Variants in MGAT5B observed in about 807,000 individuals in gnomAD.
MGAT5B encodes the protein N-acetylglucosaminyl-transferase Vb.
MGAT5B carries 54 observed loss-of-function variants against 95.1 expected under a neutral mutation model. The ratio of observed to expected loss-of-function variants is 0.57; its 90% CI spans 0.46 to 0.71. The LOEUF is 0.71. Ranked by LOEUF, MGAT5B falls within the 30% of genes least tolerant of loss-of-function variation. The pLI, the probability that MGAT5B is intolerant of heterozygous loss-of-function variation, is 0.00. For missense variants in MGAT5B, 935 were observed against 1,088.6 expected (o/e 0.86, Z 1.99); for synonymous variants, 464 against 451.0 (o/e 1.03, Z -0.36).
Position 76,940,391 on chromosome 17 carries a change from T to C in MGAT5B, c.1585-11T>C. 1 of 1,591,294 alleles carries C rather than the reference T, an allele frequency of 6.3e-7. No individual in the cohort carries two copies. Among genetic ancestry groups the C allele is most frequent in the Non-Finnish European group, 8.6e-7 (1 of 1,167,766 alleles). ...AGCCCTCCCTGATCACTGCGCCCCT[T>C]GACTCTGCAGCTCTTCATCGGGTTT... On this transcript the variant is annotated splice_polypyrimidine_tract_variant and intron_variant, in intron 13 of 17. Coordinates refer to ENST00000569840, the MANE Select transcript of MGAT5B (RefSeq NM_001199172.2). This position sits in a 1 kb window ranked among gnomAD's most constrained non-coding sequence, Gnocchi z 4.3.
At chr17:76,910,792 G>T (rs1448469418) in intron 8 of MGAT5B, among the ~76,000 whole-genome samples, 2 of 152,204 alleles carry the variant, frequency 1.3e-5, no homozygotes, top group Non-Finnish European at 2.9e-5. Flanking sequence ...CCAGGGCTGT[G>T]CTCCGATGCC....
chr17:76,896,986 A>G (rs773793849), intron 3 of MGAT5B, among the ~76,000 whole-genome samples: 26 of 151,966 alleles, frequency 1.7e-4, no homozygotes, highest in Non-Finnish European at 5.9e-5. Context: ...CAGTGTGATC[A>G]TGGCTCACTG....
intron 2 of MGAT5B, among the ~76,000 whole-genome samples, chr17:76,875,640 G>A (rs1438254883): frequency 7.8e-6 from 1 of 128,760 alleles, no homozygotes; most frequent in Non-Finnish European, 1.6e-5. Context: ...GTATGCGGTT[G>A]TAGTCACTTG....
At chr17:76,873,177 G>T (rs1967068576) in intron 2 of MGAT5B, among the ~76,000 whole-genome samples, 1 of 152,240 alleles carries the variant, frequency 6.6e-6, no homozygotes, top group Non-Finnish European at 1.5e-5. Flanking sequence ...GGATTCTCAG[G>T]CCAGGCTAGG....
At chr17:76,939,031 TGTGTG>T (rs1243190274) in intron 13 of MGAT5B, among the ~76,000 whole-genome samples, 2 of 40,200 alleles carry the variant, frequency 5.0e-5, no homozygotes, top group Admixed American at 5.9e-4. Context: ...ATCTTGGGGG[TGTGTG>T]TGTGTGTGTG....
intron 15 of MGAT5B, among the ~76,000 whole-genome samples, chr17:76,945,124 A>C (rs1046555493): frequency 7.9e-5 from 12 of 151,890 alleles, no homozygotes; most frequent in African/African-American, 2.4e-4. Flanking sequence ...TGGGCCTGAG[A>C]AGGTTAATGG....
intron 2 of MGAT5B, among the ~76,000 whole-genome samples, chr17:76,876,829 C>T (rs1036246041): frequency 1.3e-5 from 2 of 152,204 alleles, no homozygotes; most frequent in Non-Finnish European, 2.9e-5. Context: ...ACTTCTTTCC[C>T]TCTTGCTGCA....
intron 13 of MGAT5B, among the ~76,000 whole-genome samples, chr17:76,939,266 G>A (rs367764495): frequency 3.6e-4 from 54 of 152,050 alleles, no homozygotes; most frequent in East Asian, 1.2e-3. Flanking sequence ...TTGGGAGGCC[G>A]AGGTGGGCGG....
intron 3 of MGAT5B, among the ~76,000 whole-genome samples, chr17:76,886,970 A>C (rs1967652987): frequency 6.6e-6 from 1 of 152,128 alleles, no homozygotes; most frequent in Admixed American, 6.5e-5. Flanking sequence ...CTTGAAGCTG[A>C]GAGGCGGAGG....
intron 2 of MGAT5B, among the ~76,000 whole-genome samples, chr17:76,875,652 A>ATT (rs1367624198): frequency 1.3e-5 from 1 of 74,646 alleles, no homozygotes; most frequent in Non-Finnish European, 2.4e-5. Context: ...AGTCACTTGC[A>ATT]CTTTTTTTTT....
At position 76,940,824 on chromosome 17, in the gene MGAT5B, C is replaced by T. The variant is rs1381104086; in HGVS notation, c.1824C>T (p.Ala608=). 3 of 1,614,046 alleles carry T rather than the reference C, an allele frequency of 1.9e-6. No homozygotes were observed. The highest frequency in any genetic ancestry group is 2.2e-5 in the East Asian group (1 of 44,886). ...ACAACTCAGAGGAGTTTGAAGCAGC[C>T]ATCAAGGCCATTATGAGAACTCAGG... ...DYNNSEEFEA[A]IKAIMRTQVD... is the part of the protein sequence containing the mutation. The change falls in exon 15 of 18, where the codon GCC becomes GCT. Residue 608 remains alanine (A), a synonymous_variant. Transcript: ENST00000569840. The surrounding 1 kb of genome is among the most constrained non-coding windows in gnomAD (Gnocchi z 4.3).
chr17:76,917,743 A>C lies in MGAT5B; in HGVS notation c.1026-7223A>C, dbSNP rs1178546262. Among the ~76,000 whole-genome samples, 1 of 152,106 alleles carries C rather than the reference A, an allele frequency of 6.6e-6. No homozygotes were observed. The highest frequency in any genetic ancestry group is 1.9e-4 in the East Asian group (1 of 5,170). ...GCAAAGGTTGGTGGAACCGGATAGA[A>C]TAGCAAGAGCCCCTGGCACACAGGA... is the stretch of plus-strand genomic sequence containing the variant. On this transcript the variant is annotated intron_variant, in intron 8 of 17. Transcript: ENST00000569840. This position sits in a 1 kb window ranked among gnomAD's most constrained non-coding sequence, Gnocchi z 6.1.
intron 16 of MGAT5B, among the ~76,000 whole-genome samples, chr17:76,947,410 C>T (rs1365878297): frequency 6.6e-6 from 1 of 152,140 alleles, no homozygotes; most frequent in Admixed American, 6.5e-5. Flanking sequence ...ATTCGCGGGG[C>T]CCTCCGGCCC....
intron 3 of MGAT5B, among the ~76,000 whole-genome samples, chr17:76,887,748 G>T (rs1441518619): frequency 2.0e-5 from 3 of 150,976 alleles, no homozygotes; most frequent in Non-Finnish European, 4.4e-5. Context: ...GTAGAGATGG[G>T]GTTTCGCCAT....
chr17:76,872,191 G>C (rs1042746891), intron 1 of MGAT5B, among the ~76,000 whole-genome samples: 1 of 152,128 alleles, frequency 6.6e-6, no homozygotes, highest in Non-Finnish European at 1.5e-5. Flanking sequence ...ATGTGTGTTG[G>C]GGGGAGCCTG....
intron 12 of MGAT5B, among the ~76,000 whole-genome samples, chr17:76,934,863 AAGC>A (rs1179333862): frequency 6.6e-6 from 1 of 152,146 alleles, no homozygotes; most frequent in Non-Finnish European, 1.5e-5. Flanking sequence ...AGAAAAATGA[AAGC>A]AGCATCTTGG....
intron 3 of MGAT5B, among the ~76,000 whole-genome samples, chr17:76,887,529 CCCTT>C (rs772711057): frequency 0.19 from 12,208 of 63,824 alleles, 2,065 homozygotes; most frequent in African/African-American, 0.56. Context: ...CTCCCTCCCT[CCCTT>C]CCTTCCTTCC....
intron 2 of MGAT5B, among the ~76,000 whole-genome samples, chr17:76,876,044 G>T (rs1420855789): frequency 1.3e-5 from 2 of 152,102 alleles, no homozygotes; most frequent in Admixed American, 6.5e-5. Context: ...ATCCCGACTC[G>T]CATTGTCCTC....
At position 76,904,404 on chromosome 17, in the gene MGAT5B, G is replaced by T; in HGVS notation, c.672G>T (p.Lys224Asn). The change falls in exon 6 of 18, where the codon AAG becomes AAT. Residue 224 changes from lysine (K) to asparagine (N), a missense_variant. Lys to Asn is a moderately conservative substitution (Grantham distance 94). Transcript: ENST00000569840. ...AGACGGCTGCCCAGAGGGCACCCAA[G>T]CCCCTCCCCAAAGTCCAGGTGGGCC... ...RNQTAAQRAP[K>N]PLPKVQAVFR... 6.4e-7 allele frequency: 1 copy of T among 1,561,300 alleles called. No homozygotes were observed. The highest frequency in any genetic ancestry group is 8.7e-7 in the Non-Finnish European group (1 of 1,153,014).
Sources: allele counts gnomAD v4.1 joint callset (sites outside exome capture counted in the v4.1 genomes callset), GRCh38; gene constraint gnomAD v4.1.1; non-coding constraint Gnocchi (gnomAD v3.1); transcripts MANE v1.5; gene names NCBI Gene and HGNC (gene_info 2026-07-23, HGNC 2026-07-21).